The following NUSAP1 variants were observed in gnomAD, a reference collection of about 807,000 sequenced individuals.
NUSAP1 encodes the protein nucleolar and spindle-associated protein 1.
In NUSAP1, 32 loss-of-function variants were observed where a neutral mutation model predicts 52.8. That is an observed-to-expected ratio of 0.61 (90% confidence interval 0.46 to 0.81). The LOEUF (loss-of-function observed/expected upper bound fraction) is 0.81. NUSAP1 is among the 40% of genes least tolerant of loss of function. NUSAP1 has a pLI of 0.00. For missense variants in NUSAP1, 499 were observed against 522.3 expected (o/e 0.96, Z 0.43); for synonymous variants, 195 against 183.1 (o/e 1.06, Z -0.52).
intron 2 of NUSAP1, 61 bp downstream of exon 2, chr15:41,342,515 G>C: frequency 2.5e-6 from 3 of 1,201,752 alleles, no homozygotes; most frequent in Non-Finnish European, 3.6e-6. Context: ...TGGTTAATGG[G>C]CAATTAACAC....
chr15:41,345,498 T>C (rs2048532844), intron 2 of NUSAP1: 2 of 415,398 alleles, frequency 4.8e-6, no homozygotes, highest in African/African-American at 4.3e-5. Context: ...TCACTCTTGC[T>C]GCCCAGGCTG....
intron 1 of NUSAP1, among the ~76,000 whole-genome samples, chr15:41,336,652 T>TTTTGTTTTTTTTTTTTG (rs1567036511): frequency 1.4e-5 from 2 of 142,872 alleles, no homozygotes; most frequent in Non-Finnish European, 3.0e-5. Flanking sequence ...CTTTTGGTTT[T>TTTTGTTTTTTTTTTTTG]TTTTTTTTTT....
chr15:41,380,003 G>A, intron 10 of NUSAP1, 90 bp from the exon 11 acceptor site: 1 of 863,400 alleles, frequency 1.2e-6, no homozygotes, highest in Non-Finnish European at 1.8e-6. Flanking sequence ...GTCATTGCTT[G>A]GAAGTTTGGG....
At chr15:41,369,519 G>A (rs2049571215) in intron 7 of NUSAP1, among the ~76,000 whole-genome samples, 1 of 151,844 alleles carries the variant, frequency 6.6e-6, no homozygotes, top group Non-Finnish European at 1.5e-5. Context: ...ATGGTGGTGT[G>A]CACCTGTAAT....
chr15:41,377,115 A>C (rs373377528), intron 9 of NUSAP1, 81 bp from the exon 10 acceptor site: 1 of 721,068 alleles, frequency 1.4e-6, no homozygotes, highest in Non-Finnish European at 2.3e-6. Flanking sequence ...GATAGCAGGT[A>C]ACCCCACAGA....
chr15:41,368,218 A>G (rs1370102017), intron 7 of NUSAP1, among the ~76,000 whole-genome samples: 1 of 151,898 alleles, frequency 6.6e-6, no homozygotes, highest in African/African-American at 2.4e-5. Context: ...AGGTCTTGCT[A>G]TGTTGCCCAA....
At chr15:41,369,483 T>C (rs920929466) in intron 7 of NUSAP1, among the ~76,000 whole-genome samples, 3 of 151,740 alleles carry the variant, frequency 2.0e-5, no homozygotes, top group Non-Finnish European at 4.4e-5. Context: ...ACCTCGTCTG[T>C]ACTAAAAATA....
At chr15:41,335,506 TATAG>T (rs1192854039) in intron 1 of NUSAP1, among the ~76,000 whole-genome samples, 1 of 138,262 alleles carries the variant, frequency 7.2e-6, no homozygotes, top group Non-Finnish European at 1.5e-5. Context: ...ATATATTTAG[TATAG>T]ATATACTATA....
Position 41,380,567 on chromosome 15 carries a change from G to T in NUSAP1, c.*381G>T. On this transcript the variant is annotated 3_prime_UTR_variant, in exon 11 of 11. Coordinates refer to ENST00000559596, the MANE Select transcript of NUSAP1 (RefSeq NM_016359.5). ...ATGGCAGCTAGTTATGCAAGCTTCA[G>T]GAGAATTTGAACAATAACAAGAATA... is the stretch of plus-strand genomic sequence containing the variant. The T allele has an allele frequency of 5.9e-6, 1 of 169,952 alleles. No individual in the cohort carries two copies. Among genetic ancestry groups the T allele is most frequent in the Non-Finnish European group, 1.3e-5 (1 of 79,342 alleles). 10.5% of individuals were successfully genotyped at this position (169,952 alleles called of 1,614,324 possible).
chr15:41,355,246 C>T (rs1339038077), intron 4 of NUSAP1, among the ~76,000 whole-genome samples: 2 of 151,722 alleles, frequency 1.3e-5, no homozygotes, highest in Non-Finnish European at 2.9e-5. Context: ...GATCTCAGCT[C>T]ACTGCAACCT....
intron 4 of NUSAP1, among the ~76,000 whole-genome samples, chr15:41,353,507 C>T (rs1322200079): frequency 6.6e-6 from 1 of 152,178 alleles, no homozygotes; most frequent in Non-Finnish European, 1.5e-5. Flanking sequence ...GCAGAAGCCC[C>T]TGCGACCATT....
chr15:41,363,276 T>C lies in NUSAP1; in HGVS notation c.661-2126T>C, dbSNP rs377182479. ...ACTCCAGACTGGGCGACAGAGCAAG[T>C]CTCCATCTAAAAAAAAAAAAAAAAA... is the stretch of plus-strand genomic sequence containing the variant. On this transcript the variant is annotated intron_variant, in intron 6 of 10. Coordinates refer to ENST00000559596, the MANE Select transcript of NUSAP1 (RefSeq NM_016359.5). 9.0e-4 allele frequency among the ~76,000 whole-genome samples: 130 copies of C among 143,676 alleles called. 1 individual carries two copies. The South Asian group carries it at 0.027, about 30-fold the overall frequency. The allele number at this position is 143,676 out of a possible 152,430, so 94.3% of individuals were successfully genotyped here.
At chr15:41,335,424 GATAA>G (rs1026378785) in intron 1 of NUSAP1, among the ~76,000 whole-genome samples, 8 of 138,042 alleles carry the variant, frequency 5.8e-5, no homozygotes, top group Non-Finnish European at 1.1e-4. Context: ...ATATGTACTA[GATAA>G]ATATACTATA....
chr15:41,357,083 G>A (rs2049000916), intron 5 of NUSAP1, among the ~76,000 whole-genome samples: 1 of 152,070 alleles, frequency 6.6e-6, no homozygotes. Flanking sequence ...AAAACAAGAA[G>A]AATGGCCGGG....
At chr15:41,370,501 A>G (rs2140820341) in intron 7 of NUSAP1, among the ~76,000 whole-genome samples, 1 of 152,258 alleles carries the variant, frequency 6.6e-6, no homozygotes, top group South Asian at 2.1e-4. Flanking sequence ...TTGTAATCCC[A>G]GCACTTTGAG....
At chr15:41,341,276 G>A (rs2048357323) in intron 1 of NUSAP1, among the ~76,000 whole-genome samples, 1 of 152,070 alleles carries the variant, frequency 6.6e-6, no homozygotes, top group South Asian at 2.1e-4. Context: ...ATGTTGGCCA[G>A]GCTGGTCTAA....
At chr15:41,348,085 T>A (rs1444148950) in intron 2 of NUSAP1, among the ~76,000 whole-genome samples, 1 of 151,960 alleles carries the variant, frequency 6.6e-6, no homozygotes, top group East Asian at 1.9e-4. Context: ...ATCAAGCCAC[T>A]GTAATCTAGC....
intron 6 of NUSAP1, among the ~76,000 whole-genome samples, chr15:41,358,497 G>T (rs2049053381): frequency 6.6e-6 from 1 of 152,166 alleles, no homozygotes; most frequent in African/African-American, 2.4e-5. Flanking sequence ...CGCACTTTGG[G>T]AGGCCAAGGC....
chr15:41,362,604 G>A (rs948891575), intron 6 of NUSAP1, among the ~76,000 whole-genome samples: 2 of 142,834 alleles, frequency 1.4e-5, no homozygotes, highest in Non-Finnish European at 3.0e-5. Flanking sequence ...TTTTTTTTTT[G>A]TATTTTTAGT....
Sources: gnomAD v4.1 joint callset for allele counts (sites outside exome capture counted in the v4.1 genomes callset) on GRCh38, gnomAD v4.1.1 for gene constraint, MANE v1.5 for transcripts, NCBI Gene and HGNC (gene_info 2026-07-23, HGNC 2026-07-21) for gene names.